The following KCNJ6 variants were observed in gnomAD, a reference collection of about 807,000 sequenced individuals.
KCNJ6 encodes the protein G protein-activated inward rectifier potassium channel 2.
Under a neutral mutation model 34.2 loss-of-function variants are expected in KCNJ6, and 9 were observed. That is an observed-to-expected ratio of 0.26 (90% CI 0.16 to 0.46). KCNJ6 has a LOEUF of 0.46. Among genes scored for constraint, KCNJ6 ranks in the 20% least tolerant of loss-of-function variants. KCNJ6 has a pLI of 1.00. For missense variants in KCNJ6, 236 were observed against 531.3 expected, an observed-to-expected ratio of 0.44 and a Z score of 5.46; for synonymous variants, 196 against 207.1, an observed-to-expected ratio of 0.95 and a Z score of 0.46.
At chr21:37,630,181 A>T (rs1337773362) in intron 3 of KCNJ6, among the ~76,000 whole-genome samples, 4 of 96,300 alleles carry the variant, frequency 4.2e-5, no homozygotes, top group African/African-American at 1.6e-4. Flanking sequence ...CATATCAGGG[A>T]CATCATCATA....
rs1253913305 is a variant in KCNJ6, at chr21:37,620,144, A to C, written c.*5015T>G. 2 of 152,212 alleles carry C rather than the reference A, an allele frequency of 1.3e-5. No individual in the cohort carries two copies. The highest frequency in any genetic ancestry group is 2.4e-5 in the African/African-American group (1 of 41,450). 9.4% of individuals were successfully genotyped at this position (152,212 alleles called of 1,614,324 possible). ...TAGGACTCTCTTAAGAGTACAGTAC[A>C]ATATTTCATAGTACTTAGTACTCTT... On this transcript the variant is annotated 3_prime_UTR_variant, in exon 4 of 4. Coordinates refer to ENST00000609713, the MANE Select transcript of KCNJ6 (RefSeq NM_002240.5).
At chr21:37,817,122 G>A (rs759594196) in intron 2 of KCNJ6, among the ~76,000 whole-genome samples, 2 of 152,074 alleles carry the variant, frequency 1.3e-5, no homozygotes, top group South Asian at 2.1e-4. Flanking sequence ...CCAACCTCAC[G>A]GAACTGTTGT....
chr21:37,704,702 G>C (rs573735316), intron 3 of KCNJ6, among the ~76,000 whole-genome samples: 1 of 152,220 alleles, frequency 6.6e-6, no homozygotes, highest in South Asian at 2.1e-4. Context: ...AAAGGGTCTT[G>C]TTGAGTGTTT....
At chr21:37,763,679 G>A (rs1269446149) in intron 2 of KCNJ6, among the ~76,000 whole-genome samples, 2 of 152,108 alleles carry the variant, frequency 1.3e-5, no homozygotes, top group Non-Finnish European at 2.9e-5. Flanking sequence ...TTTTTCTCTT[G>A]TTTAAAAACC....
intron 3 of KCNJ6, among the ~76,000 whole-genome samples, chr21:37,674,645 C>CTG (rs1391838983): frequency 6.6e-6 from 1 of 151,442 alleles, no homozygotes; most frequent in Admixed American, 6.6e-5. Context: ...CTCCTCTCAC[C>CTG]CAGGATGGAT....
At chr21:37,633,360 A>T (rs1569433604) in intron 3 of KCNJ6, among the ~76,000 whole-genome samples, 1 of 152,180 alleles carries the variant, frequency 6.6e-6, no homozygotes, top group Non-Finnish European at 1.5e-5. Flanking sequence ...ATTTTTGATG[A>T]TGATGATGAT....
At position 37,607,482 on chromosome 21, in the gene KCNJ6, A is replaced by ATAT; in HGVS notation, c.*17676_*17677insATA. ...CTTAAAGATATATATATATATATAT[A>ATAT]TTTTTTTTTTATTTTAAAAAAATTT... On this transcript the variant is annotated 3_prime_UTR_variant, in exon 4 of 4. Coordinates refer to ENST00000609713, the MANE Select transcript of KCNJ6 (RefSeq NM_002240.5). The ATAT allele has an allele frequency of 2.4e-3, 325 of 136,760 alleles. 2 individuals carry two copies. Among genetic ancestry groups the ATAT allele is most frequent in the African/African-American group, 8.3e-3 (302 of 36,474 alleles). 8.5% of individuals were successfully genotyped at this position (136,760 alleles called of 1,614,324 possible).
intron 3 of KCNJ6, among the ~76,000 whole-genome samples, chr21:37,706,611 C>A (rs1225545496): frequency 6.6e-6 from 1 of 152,172 alleles, no homozygotes; most frequent in Non-Finnish European, 1.5e-5. Context: ...CTGTTTTCAG[C>A]CTTTGGGGTT....
intron 2 of KCNJ6, among the ~76,000 whole-genome samples, chr21:37,806,092 A>T (rs1362769978): frequency 6.6e-6 from 1 of 152,080 alleles, no homozygotes; most frequent in Admixed American, 6.5e-5. Context: ...TGAGTGAATT[A>T]CTCTTCTGCT....
At chr21:37,866,092 C>G (rs750249309) in intron 1 of KCNJ6, among the ~76,000 whole-genome samples, 1 of 152,176 alleles carries the variant, frequency 6.6e-6, no homozygotes, top group African/African-American at 2.4e-5. Context: ...CGCAGATAAT[C>G]TGAGTGGGCC....
chr21:37,712,600 TC>T (rs2054762813), intron 3 of KCNJ6, among the ~76,000 whole-genome samples: 1 of 105,866 alleles, frequency 9.4e-6, no homozygotes. Context: ...CTTCCCTCCC[TC>T]CTCCCCTCCT....
At position 37,615,647 on chromosome 21, in the gene KCNJ6, G is replaced by A. The variant is rs1294228368; in HGVS notation, c.*9512C>T. ...ATAGTATTCTGGAACTTTGCTCTGGGGGCAAAAATGAGTATTTCTGATTTG... is the reference window on the plus strand; with the variant it reads ...ATAGTATTCTGGAACTTTGCTCTGGAGGCAAAAATGAGTATTTCTGATTTG... On this transcript the variant is annotated 3_prime_UTR_variant, in exon 4 of 4. Transcript: ENST00000609713. The A allele has an allele frequency of 6.6e-6, 1 of 151,926 alleles. No homozygotes were observed. Among genetic ancestry groups the A allele is most frequent in the Non-Finnish European group, 1.5e-5 (1 of 67,988 alleles). The allele number at this position is 151,926 out of a possible 1,614,324, so 9.4% of individuals were successfully genotyped here.
At chr21:37,697,334 C>T (rs1237006770) in intron 3 of KCNJ6, among the ~76,000 whole-genome samples, 1 of 152,134 alleles carries the variant, frequency 6.6e-6, no homozygotes, top group Non-Finnish European at 1.5e-5. Flanking sequence ...CTTGCTTGGA[C>T]CTTACAGGGT....
intron 2 of KCNJ6, among the ~76,000 whole-genome samples, chr21:37,725,136 G>A (rs1411532590): frequency 2.0e-5 from 3 of 152,096 alleles, no homozygotes; most frequent in African/African-American, 2.4e-5. Context: ...ATGGTCAAAG[G>A]AAATAAATGA....
chr21:37,831,857 C>T (rs2123567275), intron 2 of KCNJ6, among the ~76,000 whole-genome samples: 1 of 152,118 alleles, frequency 6.6e-6, no homozygotes, highest in Non-Finnish European at 1.5e-5. Flanking sequence ...GTGATACCTG[C>T]CCACTATGGA....
chr21:37,840,266 T>C (rs562411973), intron 2 of KCNJ6, among the ~76,000 whole-genome samples: 6 of 152,350 alleles, frequency 3.9e-5, no homozygotes, highest in South Asian at 2.1e-4. Context: ...TTAACAATGA[T>C]TTACCATTCT....
chr21:37,885,107 T>C (rs1452890375), intron 1 of KCNJ6, among the ~76,000 whole-genome samples: 1 of 152,226 alleles, frequency 6.6e-6, no homozygotes, highest in Non-Finnish European at 1.5e-5. Context: ...ATTCTGTCCA[T>C]CCTATCCCTG....
intron 2 of KCNJ6, among the ~76,000 whole-genome samples, chr21:37,717,522 G>A (rs560483052): frequency 2.0e-4 from 30 of 152,330 alleles, no homozygotes; most frequent in South Asian, 4.1e-4. Flanking sequence ...TCTCACTGCC[G>A]CTACCCCCTA....
intron 3 of KCNJ6, among the ~76,000 whole-genome samples, chr21:37,704,657 G>GTTGTCATCATCA (rs1556021699): frequency 1.4e-4 from 10 of 72,804 alleles, no homozygotes; most frequent in Admixed American, 1.1e-3. Flanking sequence ...AGTATGAGTC[G>GTTGTCATCATCA]TCGTCATCAT....
Sources: gnomAD v4.1 joint callset for allele counts (sites outside exome capture counted in the v4.1 genomes callset) on GRCh38, gnomAD v4.1.1 for gene constraint, MANE v1.5 for transcripts, NCBI Gene and HGNC (gene_info 2026-07-23, HGNC 2026-07-21) for gene names.